Variants in PTPRN2 observed in about 807,000 individuals in gnomAD.
PTPRN2 encodes the protein receptor-type tyrosine-protein phosphatase N2.
PTPRN2 carries 74 observed loss-of-function variants against 118.8 expected under a neutral mutation model. That is an observed-to-expected ratio of 0.62 (90% CI 0.52 to 0.76). PTPRN2 has a LOEUF of 0.76. PTPRN2 is among the 30% of genes least tolerant of loss of function. The pLI is 0.00. For synonymous variants in PTPRN2, 641 were observed against 608.0 expected (o/e 1.05, Z -0.80); for missense variants, 1,481 against 1,394.4 (o/e 1.06, Z -0.99).
chr7:157,677,030 C>G (rs1796702340), intron 13 of PTPRN2, among the ~76,000 whole-genome samples: 1 of 152,152 alleles, frequency 6.6e-6, no homozygotes, highest in African/African-American at 2.4e-5. Flanking sequence ...CTCCCGGGGC[C>G]CAGCCCTCTT....
At chr7:157,717,055 C>T (rs1798957862) in intron 12 of PTPRN2, among the ~76,000 whole-genome samples, 1 of 143,222 alleles carries the variant, frequency 7.0e-6, no homozygotes, top group South Asian at 2.2e-4. Context: ...ACTGCCTGGC[C>T]ACGTAGACTC....
chr7:157,968,713 A>C (rs1316080987), intron 11 of PTPRN2, among the ~76,000 whole-genome samples: 1 of 152,164 alleles, frequency 6.6e-6, no homozygotes, highest in East Asian at 1.9e-4. Flanking sequence ...CATACAGCCT[A>C]GAAGGGTTTG....
intron 2 of PTPRN2, among the ~76,000 whole-genome samples, chr7:158,323,393 T>C (rs1388079872): frequency 6.6e-6 from 1 of 152,152 alleles, no homozygotes; most frequent in Non-Finnish European, 1.5e-5. Context: ...GACAGAAGGC[T>C]GGACCCCACT....
chr7:158,117,364 G>C lies in PTPRN2; in HGVS notation c.1557-6449C>G, dbSNP rs117981383. Among the ~76,000 whole-genome samples the C allele has an allele frequency of 4.7e-3, 717 of 152,164 alleles. 6 individuals carry two copies. The highest frequency in any genetic ancestry group is 8.4e-3 in the Non-Finnish European group (574 of 68,006). ...AAGATAGGACAATGGAAATTATTCA[G>C]TCTAAGAAATAGAAAAAAAGATTGA... On this transcript the variant is annotated intron_variant, in intron 9 of 22. Transcript: ENST00000389418.
chr7:157,931,604 C>T (rs1284083886), intron 11 of PTPRN2, among the ~76,000 whole-genome samples: 1 of 152,174 alleles, frequency 6.6e-6, no homozygotes, highest in Non-Finnish European at 1.5e-5. Context: ...CCTCTGGGGG[C>T]TTCAGAGGCA....
chr7:157,675,972 C>T (rs1318385309), intron 13 of PTPRN2, among the ~76,000 whole-genome samples: 2 of 152,092 alleles, frequency 1.3e-5, no homozygotes, highest in Non-Finnish European at 2.9e-5. Context: ...AAGGAAGAAA[C>T]GGAGGGGGGT....
intron 3 of PTPRN2, among the ~76,000 whole-genome samples, chr7:158,314,777 G>A (rs1185203707): frequency 6.6e-6 from 1 of 152,288 alleles, no homozygotes; most frequent in Admixed American, 6.5e-5. Flanking sequence ...GTAATGCACA[G>A]GCACCACCCA....
chr7:158,156,105 T>C lies in PTPRN2; in HGVS notation c.910+10826A>G, dbSNP rs1272469592. Reference sequence around the variant, plus strand: ...GAATCACAGCTGAGTAGTGTGCATCTCTCCCTGACTAATGAAAAGTGCCCA... The same window carrying C: ...GAATCACAGCTGAGTAGTGTGCATCCCTCCCTGACTAATGAAAAGTGCCCA... On this transcript the variant is annotated intron_variant, in intron 6 of 22. Transcript: ENST00000389418. 2.0e-5 allele frequency among the ~76,000 whole-genome samples: 3 copies of C among 152,270 alleles called. No homozygotes were observed. The East Asian group carries it at 5.8e-4, about 29-fold the overall frequency.
At chr7:157,642,544 T>G (rs1315900225) in intron 14 of PTPRN2, among the ~76,000 whole-genome samples, 1 of 152,126 alleles carries the variant, frequency 6.6e-6, no homozygotes, top group Non-Finnish European at 1.5e-5. Flanking sequence ...GAAGTTTCCA[T>G]GAGTTCCCGA....
At chr7:157,811,444 G>A (rs1806039422) in intron 12 of PTPRN2, among the ~76,000 whole-genome samples, 4 of 151,388 alleles carry the variant, frequency 2.6e-5, no homozygotes, top group Non-Finnish European at 4.4e-5. Context: ...CATCGTGGCT[G>A]TTGGCACAGT....
At chr7:157,635,548 G>A (rs1057217099) in intron 14 of PTPRN2, among the ~76,000 whole-genome samples, 1 of 152,222 alleles carries the variant, frequency 6.6e-6, no homozygotes, top group African/African-American at 2.4e-5. Context: ...AATCAGAGGG[G>A]GAGAAGGGTA....
At chr7:157,799,312 G>T (rs1358835538) in intron 12 of PTPRN2, among the ~76,000 whole-genome samples, 1 of 151,848 alleles carries the variant, frequency 6.6e-6, no homozygotes, top group East Asian at 1.9e-4. Context: ...ATCCGGGCTG[G>T]CCTGGCCTTC....
At chr7:158,014,424 T>C (rs966241871) in intron 11 of PTPRN2, among the ~76,000 whole-genome samples, 2 of 150,564 alleles carry the variant, frequency 1.3e-5, no homozygotes, top group African/African-American at 4.9e-5. Flanking sequence ...ACAATCCACC[T>C]GCTCATCTAT....
Position 158,129,123 on chromosome 7 carries a change from C to T in PTPRN2, c.1556+4554G>A, listed in dbSNP as rs1280690016. On this transcript the variant is annotated intron_variant, in intron 9 of 22. Transcript: ENST00000389418. Reference sequence around the variant, plus strand: ...CACACCACACACAACACATAAACCACACAGCACACCACACACTACACACAT... The same window carrying T: ...CACACCACACACAACACATAAACCATACAGCACACCACACACTACACACAT... 1.3e-5 allele frequency among the ~76,000 whole-genome samples: 2 copies of T among 151,796 alleles called. 1 individual carries two copies. The highest frequency in any genetic ancestry group is 4.8e-5 in the African/African-American group (2 of 41,280).
At chr7:157,659,781 G>C (rs1795804287) in intron 13 of PTPRN2, among the ~76,000 whole-genome samples, 1 of 151,914 alleles carries the variant, frequency 6.6e-6, no homozygotes, top group South Asian at 2.1e-4. Flanking sequence ...GCCTCACTCT[G>C]TCTCCCAGGC....
intron 3 of PTPRN2, among the ~76,000 whole-genome samples, chr7:158,285,559 G>C (rs1425235126): frequency 6.6e-6 from 1 of 152,194 alleles, no homozygotes; most frequent in Non-Finnish European, 1.5e-5. Flanking sequence ...AGGCAGCTGA[G>C]CCCCCTCCTC....
chr7:158,195,335 ATC>A (rs2150716450), intron 4 of PTPRN2, among the ~76,000 whole-genome samples: 1 of 152,190 alleles, frequency 6.6e-6, no homozygotes, highest in South Asian at 2.1e-4. Flanking sequence ...TCATCATCTC[ATC>A]TCTCTATGAA....
intron 1 of PTPRN2, among the ~76,000 whole-genome samples, chr7:158,521,808 CGGG>C (rs1563388236): frequency 6.8e-5 from 4 of 58,744 alleles, no homozygotes; most frequent in South Asian, 9.3e-4. Context: ...GGTGCTGGCT[CGGG>C]AGGGAGGTCC....
chr7:158,332,794 G>T (rs1456512628), intron 2 of PTPRN2, among the ~76,000 whole-genome samples: 3 of 146,142 alleles, frequency 2.1e-5, no homozygotes, highest in African/African-American at 7.8e-5. Flanking sequence ...AAGAGCTGAT[G>T]CCTGCAGACG....
Sources: allele counts gnomAD v4.1 joint callset (sites outside exome capture counted in the v4.1 genomes callset), GRCh38; gene constraint gnomAD v4.1.1; transcripts MANE v1.5; gene names NCBI Gene and HGNC (gene_info 2026-07-23, HGNC 2026-07-21).